The following CCSER1 variants were observed in gnomAD, a reference collection of about 807,000 sequenced individuals.
CCSER1 encodes the protein serine-rich coiled-coil domain-containing protein 1.
In CCSER1, 41 loss-of-function variants were observed where a neutral mutation model predicts 82.0. That is an observed-to-expected ratio of 0.50 (90% CI 0.39 to 0.65). The LOEUF (loss-of-function observed/expected upper bound fraction) is 0.65. Among genes scored for constraint, CCSER1 ranks in the 30% least tolerant of loss-of-function variants. The probability of loss-of-function intolerance (pLI) is 0.00; values close to 1 mark genes in which losing one functional copy is unlikely to be tolerated. For missense variants in CCSER1, 1,119 were observed against 1,064.2 expected (o/e 1.05, Z -0.72); for synonymous variants, 414 against 383.9 (o/e 1.08, Z -0.92).
chr4:90,445,580 G>A (rs1386633038), intron 4 of CCSER1, among the ~76,000 whole-genome samples: 1 of 152,028 alleles, frequency 6.6e-6, no homozygotes, highest in African/African-American at 2.4e-5. Context: ...AAAAGGGAGT[G>A]TTGTAATGCA....
intron 10 of CCSER1, among the ~76,000 whole-genome samples, chr4:91,325,470 A>C (rs1299491462): frequency 6.6e-6 from 1 of 152,170 alleles, no homozygotes; most frequent in African/African-American, 2.4e-5. Flanking sequence ...GAAGGAAGGG[A>C]GAATGGGTAA....
At chr4:91,315,992 G>T (rs1024411149) in intron 10 of CCSER1, among the ~76,000 whole-genome samples, 2 of 151,930 alleles carry the variant, frequency 1.3e-5, no homozygotes, top group South Asian at 4.1e-4. Context: ...ATAAGGGTGG[G>T]TTTTTTCCCA....
intron 6 of CCSER1, among the ~76,000 whole-genome samples, chr4:90,659,349 A>G (rs376821914): frequency 1.1e-4 from 17 of 152,270 alleles, no homozygotes; most frequent in African/African-American, 4.1e-4. Flanking sequence ...TACTTCTAGC[A>G]CCTAGCAGTT....
At chr4:91,102,025 C>G (rs1199518494) in intron 10 of CCSER1, among the ~76,000 whole-genome samples, 1 of 134,378 alleles carries the variant, frequency 7.4e-6, no homozygotes, top group Non-Finnish European at 1.7e-5. Context: ...GTCAGACAGA[C>G]CCCTGAATGG....
intron 10 of CCSER1, among the ~76,000 whole-genome samples, chr4:91,531,276 A>AT (rs1761016498): frequency 6.6e-6 from 1 of 152,194 alleles, no homozygotes; most frequent in Admixed American, 6.5e-5. Flanking sequence ...CAGAAGATCT[A>AT]TGTGATTGTA....
At chr4:91,231,826 AG>A in intron 10 of CCSER1, among the ~76,000 whole-genome samples, 1 of 151,958 alleles carries the variant, frequency 6.6e-6, no homozygotes, top group South Asian at 2.1e-4. Flanking sequence ...CAGGACTTCT[AG>A]TTCAATATAC....
chr4:91,388,577 T>G (rs1434672197), intron 10 of CCSER1, among the ~76,000 whole-genome samples: 1 of 152,104 alleles, frequency 6.6e-6, no homozygotes, highest in African/African-American at 2.4e-5. Flanking sequence ...GTGTTGTCAG[T>G]GATTTCGATT....
intron 10 of CCSER1, among the ~76,000 whole-genome samples, chr4:91,597,962 T>A (rs963716560): frequency 3.9e-5 from 6 of 152,316 alleles, no homozygotes; most frequent in African/African-American, 1.4e-4. Context: ...GGTATGTACT[T>A]GTGGACCTGA....
intron 1 of CCSER1, among the ~76,000 whole-genome samples, chr4:90,301,298 A>G (rs1007729731): frequency 1.3e-5 from 2 of 152,168 alleles, no homozygotes; most frequent in Non-Finnish European, 2.9e-5. Context: ...TTTTATTTAG[A>G]ATAGATCCTC....
chr4:90,858,410 T>A (rs529147279), intron 8 of CCSER1, among the ~76,000 whole-genome samples: 1 of 152,104 alleles, frequency 6.6e-6, no homozygotes, highest in East Asian at 1.9e-4. Context: ...GCTTTTTAGA[T>A]CAAATAAGAC....
intron 10 of CCSER1, among the ~76,000 whole-genome samples, chr4:91,297,976 G>A (rs575081779): frequency 6.6e-6 from 1 of 152,002 alleles, no homozygotes; most frequent in African/African-American, 2.4e-5. Flanking sequence ...ACTTAATTAG[G>A]AAACTCAAGG....
intron 10 of CCSER1, among the ~76,000 whole-genome samples, chr4:91,343,198 C>A (rs1213993186): frequency 6.6e-6 from 1 of 151,960 alleles, no homozygotes; most frequent in Non-Finnish European, 1.5e-5. Flanking sequence ...TTTTCTTATC[C>A]TCTATTTTAG....
intron 5 of CCSER1, among the ~76,000 whole-genome samples, chr4:90,529,281 T>C (rs1774188868): frequency 6.6e-6 from 1 of 151,986 alleles, no homozygotes. Context: ...GTGGGGAGAT[T>C]TTGGCTCACT....
chr4:91,374,150 C>A (rs1750233600), intron 10 of CCSER1, among the ~76,000 whole-genome samples: 1 of 151,984 alleles, frequency 6.6e-6, no homozygotes, highest in Non-Finnish European at 1.5e-5. Flanking sequence ...GAAGCTGCAG[C>A]AAGTTATCTA....
chr4:90,636,792 C>G (rs1169363612), intron 6 of CCSER1, among the ~76,000 whole-genome samples: 1 of 152,076 alleles, frequency 6.6e-6, no homozygotes, highest in Non-Finnish European at 1.5e-5. Context: ...TATCCACTCA[C>G]CACGTTTGCT....
chr4:90,416,686 T>G (rs1755849765), intron 4 of CCSER1, among the ~76,000 whole-genome samples: 2 of 152,218 alleles, frequency 1.3e-5, no homozygotes, highest in Non-Finnish European at 2.9e-5. Flanking sequence ...CCTAGTTTCT[T>G]AATGTTTTAT....
At chr4:91,424,408 A>G (rs952460072) in intron 10 of CCSER1, among the ~76,000 whole-genome samples, 8 of 152,062 alleles carry the variant, frequency 5.3e-5, no homozygotes, top group Non-Finnish European at 1.0e-4. Flanking sequence ...TTCTCATCCT[A>G]CTCAAACCTT....
At chr4:90,448,116 G>A (rs1050109690) in intron 4 of CCSER1, among the ~76,000 whole-genome samples, 2 of 151,884 alleles carry the variant, frequency 1.3e-5, no homozygotes, top group Non-Finnish European at 2.9e-5. Flanking sequence ...AATATATCAA[G>A]CACCTTCTTT....
intron 8 of CCSER1, among the ~76,000 whole-genome samples, chr4:90,854,610 TC>T (rs2149950813): frequency 6.6e-6 from 1 of 152,298 alleles, no homozygotes; most frequent in South Asian, 2.1e-4. Context: ...CACTTTTCCA[TC>T]CTCCAAGACC....
Sources: gnomAD v4.1 joint callset for allele counts (sites outside exome capture counted in the v4.1 genomes callset) on GRCh38, gnomAD v4.1.1 for gene constraint, MANE v1.5 for transcripts, NCBI Gene and HGNC (gene_info 2026-07-23, HGNC 2026-07-21) for gene names.